PTPRQ: variants seen among roughly 807,000 people sequenced by gnomAD.
The protein encoded by PTPRQ is phosphatidylinositol phosphatase PTPRQ.
In PTPRQ, 199 loss-of-function variants were observed where a neutral mutation model predicts 246.0. The observed-to-expected ratio is 0.81, with a 90% CI of 0.72 to 0.91. The LOEUF (loss-of-function observed/expected upper bound fraction) is 0.91. PTPRQ is among the 40% of genes least tolerant of loss of function. The pLI, the probability that PTPRQ is intolerant of heterozygous loss-of-function variation, is 0.00. For missense variants in PTPRQ, 2,624 were observed against 2,528.4 expected (o/e 1.04, Z -0.81); for synonymous variants, 869 against 853.2 (o/e 1.02, Z -0.32).
chr12:80,495,885 A>G, intron 12 of PTPRQ, 114 bp from the exon 13 acceptor site: 2 of 1,253,896 alleles, frequency 1.6e-6, no homozygotes, highest in Non-Finnish European at 2.2e-6. Flanking sequence ...TTTGGAAGCG[A>G]TATAGATATC....
chr12:80,642,274 T>A (rs938571924), intron 35 of PTPRQ, among the ~76,000 whole-genome samples: 1 of 152,214 alleles, frequency 6.6e-6, no homozygotes, highest in Non-Finnish European at 1.5e-5. Flanking sequence ...TATTTTTAGC[T>A]GGTATAATAT....
At chr12:80,645,454 C>T (rs191789563) in intron 35 of PTPRQ, among the ~76,000 whole-genome samples, 2 of 151,852 alleles carry the variant, frequency 1.3e-5, no homozygotes, top group East Asian at 3.9e-4. Flanking sequence ...ATTTTGCTTT[C>T]TGTGTATCTT....
chr12:80,645,489 T>C (rs1365139889), intron 35 of PTPRQ, among the ~76,000 whole-genome samples: 1 of 151,848 alleles, frequency 6.6e-6, no homozygotes, highest in Non-Finnish European at 1.5e-5. Context: ...CACAATTTTA[T>C]ATTTGATATG....
intron 35 of PTPRQ, 31 bp from the exon 36 acceptor site, chr12:80,648,866 C>T: frequency 1.3e-6 from 2 of 1,520,926 alleles, no homozygotes; most frequent in East Asian, 5.1e-5. Flanking sequence ...CACTCTGACT[C>T]ACAATGCATT....
chr12:80,570,724 C>T (rs141561729), intron 25 of PTPRQ, among the ~76,000 whole-genome samples: 3,088 of 152,188 alleles, frequency 0.02, 99 homozygotes, highest in African/African-American at 0.069. Flanking sequence ...TTAGGTTTTA[C>T]ATTTAAGTCT....
At chr12:80,642,023 C>T (rs144507322) in intron 35 of PTPRQ, among the ~76,000 whole-genome samples, 2 of 151,810 alleles carry the variant, frequency 1.3e-5, no homozygotes, top group African/African-American at 2.4e-5. Context: ...CTCTCTCTAA[C>T]GCCAAATTTT....
intron 23 of PTPRQ, among the ~76,000 whole-genome samples, chr12:80,544,474 G>A (rs1370467473): frequency 6.6e-6 from 1 of 152,058 alleles, no homozygotes; most frequent in Admixed American, 6.6e-5. Context: ...TTCAGAAGTA[G>A]CAAAAATACC....
chr12:80,677,231 T>G (rs954398797), intron 43 of PTPRQ, among the ~76,000 whole-genome samples: 15 of 152,236 alleles, frequency 9.9e-5, no homozygotes, highest in Non-Finnish European at 4.4e-5. Flanking sequence ...AAAGATTATA[T>G]TGTGTCAACA....
Position 80,495,231 on chromosome 12 carries a change from G to A in PTPRQ, c.1742G>A (p.Ser581Asn), listed in dbSNP as rs1317602924. 1.8e-5 allele frequency: 27 copies of A among 1,539,274 alleles called. No individual in the cohort carries two copies. The highest frequency in any genetic ancestry group is 2.3e-5 in the Non-Finnish European group (26 of 1,143,052). The change falls in exon 12 of 45, where the codon AGT becomes AAT. Residue 581 changes from serine (S) to asparagine (N), a missense_variant. By Grantham distance (46) the Ser-to-Asn change is conservative. Coordinates refer to ENST00000644991, the MANE Select transcript of PTPRQ (RefSeq NM_001145026.2). ...SIKIINYKNI[S>N]SSSILLYWDP... ...AAAATTATAAACTATAAAAATATTA[G>A]TTCTTCATCTATTTTGTTATATTGG...
intron 34 of PTPRQ, 146 bp downstream of exon 34, chr12:80,632,437 A>G (rs1025058575): frequency 2.0e-5 from 23 of 1,167,934 alleles, no homozygotes; most frequent in Admixed American, 8.0e-5. Context: ...TTTATCATGT[A>G]CAATATGATA....
At chr12:80,639,308 G>A (rs748451656) in intron 35 of PTPRQ, among the ~76,000 whole-genome samples, 18 of 151,972 alleles carry the variant, frequency 1.2e-4, no homozygotes, top group Admixed American at 3.3e-4. Context: ...TTCTTATGCC[G>A]ACTAAATCAG....
At chr12:80,500,424 A>G (rs1170470660) in intron 14 of PTPRQ, among the ~76,000 whole-genome samples, 1 of 151,976 alleles carries the variant, frequency 6.6e-6, no homozygotes, top group Non-Finnish European at 1.5e-5. Context: ...CCTAAGGGTA[A>G]ATGAATAAAA....
chr12:80,454,809 C>T, intron 3 of PTPRQ, among the ~76,000 whole-genome samples: 1 of 152,004 alleles, frequency 6.6e-6, no homozygotes, highest in East Asian at 1.9e-4. Flanking sequence ...ACTTAAAAAA[C>T]TTATAAAGGC....
At chr12:80,472,052 A>G in intron 7 of PTPRQ, 53 bp from the exon 8 acceptor site, 1 of 1,544,232 alleles carries the variant, frequency 6.5e-7, no homozygotes, top group Admixed American at 2.0e-5. Context: ...AAATGTGAAC[A>G]TGATTGCACG....
rs572229317 is a variant in PTPRQ at position 80,548,244 on chromosome 12, AT to A, written c.4016-1212del. ...TTAAGTGTTTTAATATCAATGGTTA[AT>A]TTTTTTTTGAGGTTCAAAAAATCAG... On this transcript the variant is annotated intron_variant, in intron 24 of 44. Coordinates refer to ENST00000644991, the MANE Select transcript of PTPRQ (RefSeq NM_001145026.2). 9.5e-3 allele frequency among the ~76,000 whole-genome samples: 1,444 copies of A among 151,284 alleles called. 22 individuals are homozygous for A. Among genetic ancestry groups the A allele is most frequent in the African/African-American group, 0.033 (1,373 of 41,372 alleles).
At chr12:80,632,038 T>C (rs1271210374) in intron 33 of PTPRQ, among the ~76,000 whole-genome samples, 154 bp from the exon 34 acceptor site, 1 of 152,104 alleles carries the variant, frequency 6.6e-6, no homozygotes, top group Non-Finnish European at 1.5e-5. Context: ...AGTTAAAAAA[T>C]CTAGGAGAAG....
Position 80,620,221 on chromosome 12 carries a change from A to C in PTPRQ, c.5457A>C (p.Thr1819=). The C allele has an allele frequency of 6.5e-7, 1 of 1,549,316 alleles. No individual in the cohort carries two copies. The change falls in exon 32 of 45, where the codon ACA becomes ACC. Residue 1819 remains threonine (T), a synonymous_variant. Coordinates refer to ENST00000644991, the MANE Select transcript of PTPRQ (RefSeq NM_001145026.2). The part of the protein sequence containing the change: ...AYFNKARPYF[T]NEGFPNPPCT... ...TTAATAAAGCAAGGCCATATTTTAC[A>C]AATGAAGGCTTTCCTAACCCTCCAT...
chr12:80,625,716 G>A (rs1049489774), intron 33 of PTPRQ, among the ~76,000 whole-genome samples: 1 of 152,130 alleles, frequency 6.6e-6, no homozygotes, highest in Non-Finnish European at 1.5e-5. Flanking sequence ...AACCTTTCTG[G>A]CCTGTAGGGA....
At chr12:80,527,207 T>G (rs1895712936) in intron 17 of PTPRQ, among the ~76,000 whole-genome samples, 2 of 152,116 alleles carry the variant, frequency 1.3e-5, no homozygotes, top group Non-Finnish European at 2.9e-5. Flanking sequence ...ACCTGTAACT[T>G]TTGAAAATTT....
Sources: gnomAD v4.1 joint callset for allele counts (sites outside exome capture counted in the v4.1 genomes callset) on GRCh38, gnomAD v4.1.1 for gene constraint, MANE v1.5 for transcripts, NCBI Gene and HGNC (gene_info 2026-07-23, HGNC 2026-07-21) for gene names.